The following IGFL2 variants were observed in gnomAD, a reference collection of about 807,000 sequenced individuals.
IGFL2 encodes insulin growth factor-like family member 2.
Under a neutral mutation model 13.9 loss-of-function variants are expected in IGFL2, and 7 were observed. The ratio of observed to expected loss-of-function variants is 0.51; its 90% CI spans 0.29 to 0.95. The LOEUF is 0.95. Ranked by LOEUF, IGFL2 falls within the 40% of genes least tolerant of loss-of-function variation. The pLI is 0.08. For missense variants in IGFL2, 138 were observed against 147.8 expected (o/e 0.93, Z 0.34); for synonymous variants, 55 against 55.8 (o/e 0.99, Z 0.07).
intron 1 of IGFL2, among the ~76,000 whole-genome samples, chr19:46,157,177 C>G (rs11668196): frequency 6.6e-6 from 1 of 151,890 alleles, no homozygotes; most frequent in Non-Finnish European, 1.5e-5. Context: ...ATGGTTGCAC[C>G]TGAGAATCTA....
chr19:46,099,312 T>G, the IGFL2 span, among the ~76,000 whole-genome samples: 1 of 152,164 alleles, frequency 6.6e-6, no homozygotes, highest in Non-Finnish European at 1.5e-5. Flanking sequence ...GGGTTGATCT[T>G]CTCATGGAGT....
chr19:46,163,622 G>C (rs769503884), downstream of IGFL2, among the ~76,000 whole-genome samples: 1 of 152,196 alleles, frequency 6.6e-6, no homozygotes, highest in Non-Finnish European at 1.5e-5. Flanking sequence ...TTCCACTGCA[G>C]AGGCAGTGGC....
chr19:46,166,065 C>G (rs1032791678), downstream of IGFL2, among the ~76,000 whole-genome samples: 8 of 152,182 alleles, frequency 5.3e-5, no homozygotes, highest in East Asian at 9.6e-4. Context: ...ATCCCACATT[C>G]ATCTACTGGA....
the IGFL2 span, among the ~76,000 whole-genome samples, chr19:46,174,263 A>G: frequency 1.2e-4 from 19 of 152,210 alleles, no homozygotes; most frequent in Non-Finnish European, 2.2e-4. Flanking sequence ...TGCTTGTTCA[A>G]TATGTGTTTT....
the IGFL2 span, among the ~76,000 whole-genome samples, chr19:46,104,530 C>T: frequency 6.6e-5 from 10 of 152,218 alleles, no homozygotes; most frequent in East Asian, 1.9e-4. Context: ...GAAATGACTG[C>T]GGTAGCCTTC....
the IGFL2 span, among the ~76,000 whole-genome samples, chr19:46,081,078 G>T: frequency 6.6e-6 from 1 of 152,130 alleles, no homozygotes; most frequent in Admixed American, 6.5e-5. Flanking sequence ...TGTCTGTGTC[G>T]CCAGGCTTCC....
chr19:46,106,629 T>G, the IGFL2 span, among the ~76,000 whole-genome samples: 1 of 152,044 alleles, frequency 6.6e-6, no homozygotes, highest in African/African-American at 2.4e-5. Context: ...GGCAAGACAA[T>G]TTGGTTGATA....
At chr19:46,078,843 C>G in the IGFL2 span, among the ~76,000 whole-genome samples, 6 of 150,062 alleles carry the variant, frequency 4.0e-5, no homozygotes, top group Admixed American at 6.6e-5. Context: ...CAGGCGTCGT[C>G]AGTAGACATC....
chr19:46,126,886 A>G, the IGFL2 span, among the ~76,000 whole-genome samples: 4 of 152,138 alleles, frequency 2.6e-5, no homozygotes, highest in Non-Finnish European at 5.9e-5. Flanking sequence ...GCAAGACCCT[A>G]TTGATGATAC....
the IGFL2 span, among the ~76,000 whole-genome samples, chr19:46,082,566 G>T: frequency 3.9e-5 from 6 of 152,028 alleles, no homozygotes; most frequent in East Asian, 1.2e-3. Context: ...GGATCAAGCC[G>T]CCCTGTAAGA....
At chr19:46,112,743 G>C in the IGFL2 span, among the ~76,000 whole-genome samples, 1 of 152,256 alleles carries the variant, frequency 6.6e-6, no homozygotes, top group Non-Finnish European at 1.5e-5. Flanking sequence ...ATGGCTGCCA[G>C]TGGCTGAAAG....
the IGFL2 span, among the ~76,000 whole-genome samples, chr19:46,107,154 T>C: frequency 3.9e-5 from 6 of 152,076 alleles, no homozygotes; most frequent in African/African-American, 1.2e-4. Flanking sequence ...ACAACAGTTA[T>C]GGAGGTAAGG....
intron 1 of IGFL2, among the ~76,000 whole-genome samples, chr19:46,154,359 C>G (rs1973689490): frequency 6.6e-6 from 1 of 152,154 alleles, no homozygotes; most frequent in African/African-American, 2.4e-5. Flanking sequence ...TTGAGGCTGT[C>G]TCTGACCCCA....
chr19:46,166,028 A>C (rs567766795), downstream of IGFL2, among the ~76,000 whole-genome samples: 2 of 152,284 alleles, frequency 1.3e-5, no homozygotes, highest in South Asian at 4.1e-4. Context: ...CACCTGCACC[A>C]CCTGGAAATC....
the IGFL2 span, among the ~76,000 whole-genome samples, chr19:46,173,197 T>C: frequency 4.6e-5 from 7 of 152,200 alleles, no homozygotes; most frequent in Non-Finnish European, 1.0e-4. Flanking sequence ...TGCTAGACTT[T>C]CTGTTGTCAA....
chr19:46,128,406 A>G, the IGFL2 span, among the ~76,000 whole-genome samples: 1 of 152,268 alleles, frequency 6.6e-6, no homozygotes, highest in African/African-American at 2.4e-5. Context: ...GAAAGAGGGC[A>G]TCCTTATCTT....
the IGFL2 span, among the ~76,000 whole-genome samples, chr19:46,116,524 T>C: frequency 6.6e-6 from 1 of 152,208 alleles, no homozygotes; most frequent in Non-Finnish European, 1.5e-5. Flanking sequence ...AATTTTTGAT[T>C]AGTATTATTC....
chr19:46,128,364 G>A, the IGFL2 span, among the ~76,000 whole-genome samples: 3 of 152,050 alleles, frequency 2.0e-5, no homozygotes, highest in Admixed American at 6.6e-5. Context: ...GCTCTGGCCA[G>A]GACTTCCTAT....
the IGFL2 span, chr19:46,124,690 A>G: frequency 1.3e-6 from 2 of 1,581,132 alleles, 1 homozygote. Flanking sequence ...AAGAGTGGTA[A>G]AAGGCTGGAA....
Sources: gnomAD v4.1 joint callset for allele counts (sites outside exome capture counted in the v4.1 genomes callset) on GRCh38, gnomAD v4.1.1 for gene constraint, MANE v1.5 for transcripts, NCBI Gene and HGNC (gene_info 2026-07-23, HGNC 2026-07-21) for gene names.